The following NTNG1 variants were observed in gnomAD, a reference collection of about 807,000 sequenced individuals.
NTNG1 encodes the protein netrin-G1.
In NTNG1, 16 loss-of-function variants were observed where a neutral mutation model predicts 54.0. The ratio of observed to expected loss-of-function variants is 0.30; its 90% confidence interval spans 0.20 to 0.45. The LOEUF (loss-of-function observed/expected upper bound fraction) is 0.45, where lower values mean the gene tolerates loss of function less well. Ranked by LOEUF, NTNG1 falls within the 20% of genes least tolerant of loss-of-function variation. The probability of loss-of-function intolerance (pLI) is 1.00; values close to 1 mark genes in which losing one functional copy is unlikely to be tolerated. For synonymous variants in NTNG1, 255 were observed against 263.1 expected, an observed-to-expected ratio of 0.97 and a Z score of 0.30; for missense variants, 530 against 678.7, an observed-to-expected ratio of 0.78 and a Z score of 2.43.
At chr1:107,303,162 A>G (rs561536591) in intron 2 of NTNG1, among the ~76,000 whole-genome samples, 22 of 152,338 alleles carry the variant, frequency 1.4e-4, no homozygotes, top group African/African-American at 5.3e-4. Context: ...TTAAAATTCA[A>G]TATCTTCTGA....
chr1:107,431,493 G>C lies in NTNG1; in HGVS notation c.1255+576G>C, dbSNP rs373407519. On this transcript the variant is annotated intron_variant, in intron 6 of 7. Transcript: ENST00000370068. ...ATTTTCCTACAGCTCCCAAAAAGGA[G>C]GAGTAATTTCTCAAAAGTATTCTAG... 3.3e-5 allele frequency among the ~76,000 whole-genome samples: 5 copies of C among 152,218 alleles called. No individual in the cohort carries two copies. In the East Asian group the frequency reaches 9.7e-4, roughly 30 times the overall value.
rs1180991229 is a variant in NTNG1 at position 107,258,241 on chromosome 1, G to A, written c.247-66041G>A. Among the ~76,000 whole-genome samples the A allele has an allele frequency of 6.7e-5, 10 of 148,824 alleles. No homozygotes were observed. In the East Asian group the frequency reaches 2.0e-3, roughly 29 times the overall value. The stretch of plus-strand genomic sequence containing the variant: ...GAAAGTCTTATTAAGTGTTGTAATG[G>A]CTCTAAGAGTTGTTGGTTTTTTTTT... On this transcript the variant is annotated intron_variant, in intron 2 of 7. Transcript: ENST00000370068.
intron 2 of NTNG1, among the ~76,000 whole-genome samples, chr1:107,170,688 T>C (rs1389911261): frequency 6.6e-6 from 1 of 152,076 alleles, no homozygotes; most frequent in Non-Finnish European, 1.5e-5. Flanking sequence ...ATAGTAGCTA[T>C]TGTATTGAAT....
chr1:107,189,000 CAATATTTGA>C (rs1157570472), intron 2 of NTNG1, among the ~76,000 whole-genome samples: 1 of 151,860 alleles, frequency 6.6e-6, no homozygotes, highest in African/African-American at 2.4e-5. Flanking sequence ...GCTTCCTATT[CAATATTTGA>C]AAGAATAGGT....
intron 2 of NTNG1, among the ~76,000 whole-genome samples, chr1:107,242,949 AT>A (rs1460622633): frequency 1.3e-5 from 2 of 152,236 alleles, no homozygotes; most frequent in African/African-American, 4.8e-5. Flanking sequence ...AGGTTAGCAC[AT>A]GTCAATATGT....
chr1:107,444,160 C>T, intron 7 of NTNG1, among the ~76,000 whole-genome samples: 1 of 152,108 alleles, frequency 6.6e-6, no homozygotes, highest in East Asian at 1.9e-4. Context: ...CAGGAAGATG[C>T]CACACCACTC....
chr1:107,275,301 C>T (rs925899652), intron 2 of NTNG1, among the ~76,000 whole-genome samples: 33 of 152,140 alleles, frequency 2.2e-4, no homozygotes, highest in African/African-American at 7.2e-4. Context: ...GGCGTGAATC[C>T]GGGAGGTGGA....
At chr1:107,207,720 G>C (rs138925022) in intron 2 of NTNG1, among the ~76,000 whole-genome samples, 1 of 152,244 alleles carries the variant, frequency 6.6e-6, no homozygotes, top group African/African-American at 2.4e-5. Context: ...GATGATTCAC[G>C]TGCCCATTTC....
chr1:107,178,204 T>C (rs1656789831), intron 2 of NTNG1, among the ~76,000 whole-genome samples: 1 of 152,198 alleles, frequency 6.6e-6, no homozygotes, highest in Non-Finnish European at 1.5e-5. Context: ...CAAGTTTAGA[T>C]CTATAATTTT....
At chr1:107,184,129 C>T (rs542981142) in intron 2 of NTNG1, among the ~76,000 whole-genome samples, 1 of 152,258 alleles carries the variant, frequency 6.6e-6, no homozygotes, top group East Asian at 1.9e-4. Context: ...CACCTCATGA[C>T]TTTGAAGTCT....
intron 2 of NTNG1, among the ~76,000 whole-genome samples, chr1:107,257,674 G>T (rs1275165616): frequency 5.9e-5 from 9 of 152,156 alleles, no homozygotes; most frequent in African/African-American, 1.9e-4. Flanking sequence ...GGCACTGTGT[G>T]GGGGGATTAG....
At chr1:107,293,648 TTAA>T (rs910078983) in intron 2 of NTNG1, among the ~76,000 whole-genome samples, 1 of 152,222 alleles carries the variant, frequency 6.6e-6, no homozygotes, top group African/African-American at 2.4e-5. Context: ...CTCTAATTTC[TTAA>T]TATATAAAGT....
chr1:107,364,275 T>C (rs1332882442), intron 3 of NTNG1, among the ~76,000 whole-genome samples: 1 of 152,214 alleles, frequency 6.6e-6, no homozygotes, highest in Non-Finnish European at 1.5e-5. Context: ...TTCAGTAATT[T>C]TACATAATTC....
At chr1:107,448,047 T>G (rs946978337) in intron 7 of NTNG1, among the ~76,000 whole-genome samples, 1 of 152,094 alleles carries the variant, frequency 6.6e-6, no homozygotes, top group African/African-American at 2.4e-5. Flanking sequence ...GGGCCACGGT[T>G]CAAGAGGGGT....
chr1:107,314,332 G>A (rs1667204409), intron 2 of NTNG1, among the ~76,000 whole-genome samples: 1 of 152,188 alleles, frequency 6.6e-6, no homozygotes, highest in African/African-American at 2.4e-5. Flanking sequence ...CCGGGAGGCA[G>A]AGGTTGCAGT....
At chr1:107,417,554 G>C (rs767194163) in intron 5 of NTNG1, among the ~76,000 whole-genome samples, 2 of 151,996 alleles carry the variant, frequency 1.3e-5, no homozygotes, top group East Asian at 3.9e-4. Flanking sequence ...ATGAGAAATC[G>C]ACCTATACAA....
At chr1:107,145,793 G>C (rs899388934) in intron 1 of NTNG1, among the ~76,000 whole-genome samples, 1 of 151,990 alleles carries the variant, frequency 6.6e-6, no homozygotes, top group Non-Finnish European at 1.5e-5. Flanking sequence ...ATTTTTCCTT[G>C]TCAGTTCTCT....
chr1:107,141,626 G>A (rs945848836), intron 1 of NTNG1, among the ~76,000 whole-genome samples: 5 of 152,138 alleles, frequency 3.3e-5, no homozygotes, highest in Non-Finnish European at 5.9e-5. Context: ...GCCCCGAGGA[G>A]GCAGCGCGCG....
At chr1:107,406,673 A>G (rs1673445145) in intron 4 of NTNG1, among the ~76,000 whole-genome samples, 1 of 152,160 alleles carries the variant, frequency 6.6e-6, no homozygotes, top group Non-Finnish European at 1.5e-5. Context: ...TGCTTGGTGA[A>G]TGAGCTATAA....
Sources: allele counts gnomAD v4.1 joint callset (sites outside exome capture counted in the v4.1 genomes callset), GRCh38; gene constraint gnomAD v4.1.1; transcripts MANE v1.5; gene names NCBI Gene and HGNC (gene_info 2026-07-23, HGNC 2026-07-21).